PPM1B: variants seen among roughly 807,000 people sequenced by gnomAD.
PPM1B encodes the protein protein phosphatase 1B.
In PPM1B, 22 loss-of-function variants were observed where a neutral mutation model predicts 43.0. The observed-to-expected ratio is 0.51, with a 90% CI of 0.37 to 0.73. The LOEUF is 0.73. Among genes scored for constraint, PPM1B ranks in the 30% least tolerant of loss-of-function variants. The pLI, the probability that PPM1B is intolerant of heterozygous loss-of-function variation, is 0.00. For missense variants in PPM1B, 632 were observed against 584.2 expected (o/e 1.08, Z -0.84); for synonymous variants, 217 against 197.9 (o/e 1.10, Z -0.81).
rs1183863515 is a variant in PPM1B at position 44,168,958 on chromosome 2, G to A, written c.-331G>A. On this transcript the variant is annotated 5_prime_UTR_variant, in exon 1 of 6. Coordinates refer to ENST00000282412, the MANE Select transcript of PPM1B (RefSeq NM_002706.6). ...CCTCGTTCCCCTAGCAGTTGCGGGG[G>A]AGTTTCCTGCCGGCGCGGCTGGAGT... is the stretch of plus-strand genomic sequence containing the variant. 1.9e-5 allele frequency: 3 copies of A among 154,034 alleles called. No individual in the cohort carries two copies. The highest frequency in any genetic ancestry group is 7.2e-5 in the African/African-American group (3 of 41,462). The allele number at this position is 154,034 out of a possible 1,614,324, so 9.5% of individuals were successfully genotyped here. A position where few individuals can be genotyped will look rare whatever the true frequency, so the allele number is the denominator to read the frequency against.
chr2:44,240,214 A>C lies in PPM1B; in HGVS notation n.1547-4014A>C, dbSNP rs1291348334. Among the ~76,000 whole-genome samples, 2 of 145,902 alleles carry C rather than the reference A, an allele frequency of 1.4e-5. 1 individual carries two copies. Among genetic ancestry groups the C allele is most frequent in the East Asian group, 4.1e-4 (2 of 4,920 alleles). On this transcript the variant is annotated intron_variant and non_coding_transcript_variant, in intron 5 of 5. Transcript: ENST00000378540. ...TAATAAAATGCAACTAATAATCCACATTCTAATATAAAGAGCTTGCATCCA... is the reference window on the plus strand; with the variant it reads ...TAATAAAATGCAACTAATAATCCACCTTCTAATATAAAGAGCTTGCATCCA...
At position 44,201,351 on chromosome 2, in the gene PPM1B, A is replaced by T. The variant is rs1572714946; in HGVS notation, c.152A>T (p.Glu51Val). The change falls in exon 2 of 6, where the codon GAA (glutamate) becomes GTA (valine). Residue 51 changes from glutamate (E) to valine (V), a missense_variant. Glu to Val is a moderately radical substitution (Grantham distance 121). Transcript: ENST00000282412. The surrounding 1 kb of genome is among the most constrained non-coding windows in gnomAD (Gnocchi z 5.4). ...GTTGTAGGTATTCCTCACGGCTTGG[A>T]AGACTGGTCATTTTTTGCAGTTTAT... ...TAVVGIPHGL[E>V]DWSFFAVYDG... 6.2e-7 allele frequency: 1 copy of T among 1,614,010 alleles called. No homozygotes were observed. The highest frequency in any genetic ancestry group is 1.3e-5 in the African/African-American group (1 of 74,904).
chr2:44,187,941 G>A (rs916490835), intron 1 of PPM1B, among the ~76,000 whole-genome samples: 1 of 152,018 alleles, frequency 6.6e-6, no homozygotes, highest in African/African-American at 2.4e-5. Context: ...TATTAGAGAC[G>A]GGGTTTCACC....
At chr2:44,246,306 G>T (rs1461246712), downstream of PPM1B, among the ~76,000 whole-genome samples, 2 of 152,064 alleles carry the variant, frequency 1.3e-5, no homozygotes, top group African/African-American at 4.8e-5. Context: ...CTTATTTTTG[G>T]TTGGTGTTTT....
intron 3 of PPM1B, among the ~76,000 whole-genome samples, chr2:44,211,858 T>A (rs1489792070): frequency 1.3e-5 from 2 of 149,422 alleles, no homozygotes; most frequent in Non-Finnish European, 3.0e-5. Flanking sequence ...CAAGTGATTC[T>A]CCTGCCTCAC....
downstream of PPM1B, among the ~76,000 whole-genome samples, chr2:44,245,694 A>G (rs953028669): frequency 9.2e-5 from 14 of 152,208 alleles, no homozygotes; most frequent in Non-Finnish European, 1.8e-4. Context: ...AGATCAGATG[A>G]CAGAAAACCC....
intron 1 of PPM1B, among the ~76,000 whole-genome samples, chr2:44,173,922 G>A (rs1667466635): frequency 6.6e-6 from 1 of 152,182 alleles, no homozygotes; most frequent in African/African-American, 2.4e-5. Context: ...CAGATTGGGC[G>A]AAAGAGTGAG....
At chr2:44,183,600 A>G (rs1028929744) in intron 1 of PPM1B, among the ~76,000 whole-genome samples, 3 of 152,216 alleles carry the variant, frequency 2.0e-5, no homozygotes, top group Admixed American at 6.5e-5. Flanking sequence ...CTTCTTTATT[A>G]CATAAGTACA....
At chr2:44,195,724 T>C (rs1387325352) in intron 1 of PPM1B, among the ~76,000 whole-genome samples, 1 of 152,168 alleles carries the variant, frequency 6.6e-6, no homozygotes, top group Non-Finnish European at 1.5e-5. Flanking sequence ...ATCTTCTCCT[T>C]TGAGTGGTGG....
intron 1 of PPM1B, among the ~76,000 whole-genome samples, chr2:44,200,232 C>T (rs886673367): frequency 6.6e-6 from 1 of 152,204 alleles, no homozygotes; most frequent in Non-Finnish European, 1.5e-5. Context: ...AGAAATTTGC[C>T]CAAGGTCACC....
intron 1 of PPM1B, among the ~76,000 whole-genome samples, chr2:44,181,411 A>AT (rs1373500509): frequency 6.6e-6 from 1 of 152,194 alleles, no homozygotes; most frequent in African/African-American, 2.4e-5. Flanking sequence ...AAACCACTGC[A>AT]TCTTTTAGGG....
downstream of PPM1B, among the ~76,000 whole-genome samples, chr2:44,231,625 T>A (rs1402227009): frequency 1.3e-5 from 2 of 152,146 alleles, no homozygotes; most frequent in African/African-American, 4.8e-5. Flanking sequence ...AAGTTTAATA[T>A]TAAAATATAT....
intron 1 of PPM1B, among the ~76,000 whole-genome samples, chr2:44,178,317 C>T (rs554067749): frequency 4.6e-5 from 7 of 151,708 alleles, no homozygotes; most frequent in South Asian, 2.1e-4. Flanking sequence ...TATATATATG[C>T]GAGAATTTCT....
chr2:44,220,600 G>A (rs939160099), intron 5 of PPM1B, among the ~76,000 whole-genome samples: 41 of 152,280 alleles, frequency 2.7e-4, no homozygotes, highest in Non-Finnish European at 5.7e-4. Context: ...ATTCACAGAG[G>A]GAGAAGACTA....
chr2:44,244,792 C>T (rs1287288128), downstream of PPM1B, among the ~76,000 whole-genome samples: 1 of 128,592 alleles, frequency 7.8e-6, no homozygotes, highest in Non-Finnish European at 1.6e-5. Flanking sequence ...CTTCCAGTAT[C>T]TATATTTAGA....
At chr2:44,187,317 G>T (rs762762256) in intron 1 of PPM1B, among the ~76,000 whole-genome samples, 7 of 152,076 alleles carry the variant, frequency 4.6e-5, no homozygotes, top group Non-Finnish European at 1.0e-4. Context: ...TTTGTCATTG[G>T]ACATTTGGGT....
chr2:44,173,479 C>A (rs894777309), intron 1 of PPM1B, among the ~76,000 whole-genome samples: 7 of 151,912 alleles, frequency 4.6e-5, no homozygotes, highest in Non-Finnish European at 7.4e-5. Context: ...TGCTTTATTT[C>A]TCCCCTTTGG....
At chr2:44,181,460 A>G (rs1257379238) in intron 1 of PPM1B, among the ~76,000 whole-genome samples, 1 of 152,198 alleles carries the variant, frequency 6.6e-6, no homozygotes, top group Non-Finnish European at 1.5e-5. Flanking sequence ...AGCTCATGAT[A>G]ATCTGTAGGT....
chr2:44,176,036 G>A (rs926756223), intron 1 of PPM1B, among the ~76,000 whole-genome samples: 4 of 151,974 alleles, frequency 2.6e-5, no homozygotes, highest in African/African-American at 9.7e-5. Context: ...CACCTGCCTC[G>A]GCCTCCCCAA....
Sources: allele counts gnomAD v4.1 joint callset (sites outside exome capture counted in the v4.1 genomes callset), GRCh38; gene constraint gnomAD v4.1.1; non-coding constraint Gnocchi (gnomAD v3.1); transcripts MANE v1.5; gene names NCBI Gene and HGNC (gene_info 2026-07-23, HGNC 2026-07-21).